The following ITFG1 variants were observed in gnomAD, a reference collection of about 807,000 sequenced individuals.
The protein encoded by ITFG1 is integrin alpha FG-GAP repeat containing 1, also known as T-cell immunomodulatory protein.
Under a neutral mutation model 81.8 loss-of-function variants are expected in ITFG1, and 34 were observed. The observed-to-expected ratio is 0.42, with a 90% CI of 0.32 to 0.55. ITFG1 has a LOEUF of 0.55. Ranked by LOEUF, ITFG1 falls within the 20% of genes least tolerant of loss-of-function variation. The pLI is 0.17. For synonymous variants in ITFG1, 285 were observed against 270.6 expected, an observed-to-expected ratio of 1.05 and a Z score of -0.52; for missense variants, 672 against 755.4, an observed-to-expected ratio of 0.89 and a Z score of 1.29.
At chr16:47,251,034 TAA>T (rs964853245) in intron 12 of ITFG1, among the ~76,000 whole-genome samples, 2 of 152,218 alleles carry the variant, frequency 1.3e-5, no homozygotes, top group African/African-American at 4.8e-5. Context: ...GTGCCCTATA[TAA>T]CTGCACAGTG....
chr16:47,404,822 C>G (rs1224542712), intron 6 of ITFG1, among the ~76,000 whole-genome samples: 1 of 152,100 alleles, frequency 6.6e-6, no homozygotes, highest in East Asian at 1.9e-4. Flanking sequence ...CCAATTAATA[C>G]TTTCTGCAAA....
At chr16:47,440,212 C>T (rs1278205391) in intron 5 of ITFG1, among the ~76,000 whole-genome samples, 1 of 152,140 alleles carries the variant, frequency 6.6e-6, no homozygotes, top group African/African-American at 2.4e-5. Flanking sequence ...TACAAAGAGA[C>T]TTAGACTCCC....
intron 12 of ITFG1, among the ~76,000 whole-genome samples, chr16:47,250,242 T>C (rs1966054759): frequency 6.6e-6 from 1 of 152,092 alleles, no homozygotes; most frequent in Non-Finnish European, 1.5e-5. Context: ...TTTTATTAAA[T>C]TGTAAAATCA....
At chr16:47,345,299 T>TTTTG (rs888348031) in intron 8 of ITFG1, among the ~76,000 whole-genome samples, 1 of 151,178 alleles carries the variant, frequency 6.6e-6, no homozygotes, top group Non-Finnish European at 1.5e-5. Context: ...CTCTTTTTTT[T>TTTTG]TTTGTTTGTT....
intron 14 of ITFG1, among the ~76,000 whole-genome samples, chr16:47,187,804 C>G (rs1229989241): frequency 6.6e-6 from 1 of 152,122 alleles, no homozygotes; most frequent in Non-Finnish European, 1.5e-5. Flanking sequence ...GCAAAAGAAA[C>G]TACCATCAGA....
At chr16:47,319,461 G>C (rs1449240964) in intron 8 of ITFG1, among the ~76,000 whole-genome samples, 1 of 152,170 alleles carries the variant, frequency 6.6e-6, no homozygotes, top group Admixed American at 6.5e-5. Context: ...GGTATTTTAA[G>C]AAGTAGCTAG....
rs764681264 is a variant in ITFG1 at position 47,155,682 on chromosome 16, G to C, written c.*37C>G. 13 of 1,417,958 alleles carry C rather than the reference G, an allele frequency of 9.2e-6. No homozygotes were observed. The highest frequency in any genetic ancestry group is 1.1e-5 in the Non-Finnish European group (11 of 1,022,640). The allele number at this position is 1,417,958 out of a possible 1,614,324, so 87.8% of individuals were successfully genotyped here. On this transcript the variant is annotated 3_prime_UTR_variant, in exon 18 of 18. Transcript: ENST00000320640. Reference sequence around the variant, plus strand: ...CAGAATTTGTGTTTCAACTAATCAAGTGAACAGCCATTCCATTATGTAATA... The same window carrying C: ...CAGAATTTGTGTTTCAACTAATCAACTGAACAGCCATTCCATTATGTAATA...
intron 13 of ITFG1, among the ~76,000 whole-genome samples, chr16:47,233,504 C>T (rs1355962665): frequency 6.6e-6 from 1 of 152,184 alleles, no homozygotes; most frequent in African/African-American, 2.4e-5. Flanking sequence ...ACTGTGAAGA[C>T]TGGAGAAAAA....
chr16:47,181,613 C>G (rs567693076), intron 14 of ITFG1, among the ~76,000 whole-genome samples: 7 of 151,266 alleles, frequency 4.6e-5, no homozygotes, highest in African/African-American at 1.5e-4. Context: ...TGAGGGGCGC[C>G]TCTGCCCGGC....
chr16:47,229,120 A>T (rs1177190875), intron 13 of ITFG1, among the ~76,000 whole-genome samples: 1 of 152,228 alleles, frequency 6.6e-6, no homozygotes, highest in Non-Finnish European at 1.5e-5. Context: ...ATAATCAATA[A>T]GACACAATCC....
intron 12 of ITFG1, among the ~76,000 whole-genome samples, chr16:47,250,807 G>C (rs1251465087): frequency 6.6e-6 from 1 of 152,226 alleles, no homozygotes; most frequent in Non-Finnish European, 1.5e-5. Flanking sequence ...GAGAGCTACT[G>C]GGGCAATGGG....
At chr16:47,297,132 T>C (rs1966994889) in intron 10 of ITFG1, among the ~76,000 whole-genome samples, 1 of 152,188 alleles carries the variant, frequency 6.6e-6, no homozygotes, top group African/African-American at 2.4e-5. Context: ...ATTAGGATTG[T>C]TATATTCTCT....
chr16:47,377,343 A>G (rs1968339810), intron 6 of ITFG1, among the ~76,000 whole-genome samples: 1 of 152,088 alleles, frequency 6.6e-6, no homozygotes, highest in Admixed American at 6.6e-5. Flanking sequence ...TCATTTGTTT[A>G]CTGTTACTCA....
intron 7 of ITFG1, among the ~76,000 whole-genome samples, chr16:47,367,138 G>A (rs961822270): frequency 1.3e-5 from 2 of 152,210 alleles, no homozygotes; most frequent in African/African-American, 4.8e-5. Flanking sequence ...TTATTATAGA[G>A]GATATTACAA....
At chr16:47,412,746 T>C (rs2151603580) in intron 6 of ITFG1, among the ~76,000 whole-genome samples, 1 of 144,558 alleles carries the variant, frequency 6.9e-6, no homozygotes, top group Admixed American at 6.8e-5. Context: ...AAAAACAGAA[T>C]AGAACAAACT....
At chr16:47,452,221 G>A (rs564676931) in intron 4 of ITFG1, among the ~76,000 whole-genome samples, 4 of 152,178 alleles carry the variant, frequency 2.6e-5, no homozygotes, top group South Asian at 2.1e-4. Flanking sequence ...CTCTAGTCCC[G>A]GGAATGATCT....
At chr16:47,385,352 A>C (rs1301443664) in intron 6 of ITFG1, among the ~76,000 whole-genome samples, 1 of 152,224 alleles carries the variant, frequency 6.6e-6, no homozygotes, top group Non-Finnish European at 1.5e-5. Context: ...AACAATTATA[A>C]AAATTGCTCT....
chr16:47,184,396 C>T (rs1463312792), intron 14 of ITFG1, among the ~76,000 whole-genome samples: 1 of 152,146 alleles, frequency 6.6e-6, no homozygotes, highest in East Asian at 1.9e-4. Flanking sequence ...GGGTTACCCA[C>T]AAAGGGAAGC....
At chr16:47,290,374 G>T (rs1966891607) in intron 10 of ITFG1, among the ~76,000 whole-genome samples, 1 of 152,132 alleles carries the variant, frequency 6.6e-6, no homozygotes, top group Admixed American at 6.5e-5. Context: ...TTGGTTTTAT[G>T]TCCAGATGAT....
Sources: allele counts gnomAD v4.1 joint callset (sites outside exome capture counted in the v4.1 genomes callset), GRCh38; gene constraint gnomAD v4.1.1; transcripts MANE v1.5; gene names NCBI Gene and HGNC (gene_info 2026-07-23, HGNC 2026-07-21).